The following IFTAP variants were observed in gnomAD, a reference collection of about 807,000 sequenced individuals.
The protein encoded by IFTAP is intraflagellar transport-associated protein.
IFTAP carries 19 observed loss-of-function variants against 19.4 expected under a neutral mutation model. That is an observed-to-expected ratio of 0.98 (90% CI 0.68 to 1.44). The LOEUF is 1.44. Among genes scored for constraint, IFTAP ranks in the 40% most tolerant of loss-of-function variants. The pLI is 0.00. For missense variants in IFTAP, 240 were observed against 253.6 expected (o/e 0.95, Z 0.36); for synonymous variants, 85 against 83.5 (o/e 1.02, Z -0.10).
intron 5 of IFTAP, among the ~76,000 whole-genome samples, chr11:36,651,325 C>T (rs1466308851): frequency 1.3e-5 from 2 of 152,206 alleles, no homozygotes; most frequent in East Asian, 3.8e-4. Flanking sequence ...AGCAGTTTTT[C>T]ATGTGTCTGT....
rs1852806593 is a variant in IFTAP at position 36,633,445 on chromosome 11, C to T, written c.291+7C>T. ...ACAATGTTTGGAAGAACAGGTAATA[C>T]CAACATAGTACATGTATAGAAACAA... is the stretch of plus-strand genomic sequence containing the variant. On this transcript the variant is annotated splice_region_variant and intron_variant, in intron 3 of 5. Coordinates refer to ENST00000334307, the MANE Select transcript of IFTAP (RefSeq NM_138787.4). 1 of 1,567,466 alleles carries T rather than the reference C, an allele frequency of 6.4e-7. No homozygotes were observed. The highest frequency in any genetic ancestry group is 8.6e-7 in the Non-Finnish European group (1 of 1,159,224).
chr11:36,628,451 C>CT (rs1394672318), intron 2 of IFTAP, among the ~76,000 whole-genome samples: 1 of 151,212 alleles, frequency 6.6e-6, no homozygotes, highest in Non-Finnish European at 1.5e-5. Flanking sequence ...TTTTACCATT[C>CT]TTTGTGTTTC....
At chr11:36,621,919 G>A (rs193268216) in intron 2 of IFTAP, among the ~76,000 whole-genome samples, 9 of 151,956 alleles carry the variant, frequency 5.9e-5, no homozygotes, top group Non-Finnish European at 1.3e-4. Flanking sequence ...TTAACTATTT[G>A]CATAGTATTG....
rs1475772786 is a variant in IFTAP at position 36,614,121 on chromosome 11, A to G, written c.136+3882A>G. On this transcript the variant is annotated intron_variant, in intron 2 of 5. Transcript: ENST00000334307. Reference sequence around the variant, plus strand: ...GTGTGATATTCCCCTTCCTGTGTCCATGTGATCTCATTGTTCAATTCCCAC... The same window carrying G: ...GTGTGATATTCCCCTTCCTGTGTCCGTGTGATCTCATTGTTCAATTCCCAC... Among the ~76,000 whole-genome samples, 4 of 135,560 alleles carry G rather than the reference A, an allele frequency of 3.0e-5. 1 individual carries two copies. The East Asian group carries it at 9.2e-4, about 31-fold the overall frequency. The allele number at this position is 135,560 out of a possible 152,430, so 88.9% of individuals were successfully genotyped here.
chr11:36,626,842 T>C (rs1294418468), intron 2 of IFTAP, among the ~76,000 whole-genome samples: 1 of 151,146 alleles, frequency 6.6e-6, no homozygotes, highest in East Asian at 1.9e-4. Flanking sequence ...CCTGTGGTTT[T>C]ATTTCATCAT....
At chr11:36,650,815 T>C (rs1397056891) in intron 5 of IFTAP, among the ~76,000 whole-genome samples, 1 of 152,112 alleles carries the variant, frequency 6.6e-6, no homozygotes, top group Non-Finnish European at 1.5e-5. Flanking sequence ...GTTTGGTTTT[T>C]TGTCCTTGCG....
intron 1 of IFTAP, among the ~76,000 whole-genome samples, chr11:36,600,919 C>T (rs1390588713): frequency 6.6e-6 from 1 of 152,160 alleles, no homozygotes; most frequent in African/African-American, 2.4e-5. Context: ...TTTATTTTTA[C>T]ACTCAAACTA....
At chr11:36,647,337 C>G (rs927642844) in intron 4 of IFTAP, among the ~76,000 whole-genome samples, 1 of 152,062 alleles carries the variant, frequency 6.6e-6, no homozygotes, top group African/African-American at 2.4e-5. Flanking sequence ...CATCAGTTGT[C>G]TGTGATGCAT....
chr11:36,618,966 C>T (rs1308324293), intron 2 of IFTAP, among the ~76,000 whole-genome samples: 1 of 151,868 alleles, frequency 6.6e-6, no homozygotes, highest in Non-Finnish European at 1.5e-5. Context: ...GAAGGAATGA[C>T]TGACAGCACT....
chr11:36,627,002 A>G (rs1036659763), intron 2 of IFTAP, among the ~76,000 whole-genome samples: 1 of 151,316 alleles, frequency 6.6e-6, no homozygotes, highest in Non-Finnish European at 1.5e-5. Flanking sequence ...ACAACGGACT[A>G]TTATTTGACA....
intron 4 of IFTAP, among the ~76,000 whole-genome samples, chr11:36,642,107 T>TAATAA (rs1853234217): frequency 6.6e-6 from 1 of 152,180 alleles, no homozygotes; most frequent in Admixed American, 6.5e-5. Context: ...GATAGACCGC[T>TAATAA]AGCAAGACTA....
chr11:36,607,612 T>C (rs941483174), intron 1 of IFTAP, among the ~76,000 whole-genome samples: 1 of 152,042 alleles, frequency 6.6e-6, no homozygotes, highest in Non-Finnish European at 1.5e-5. Flanking sequence ...TTTCCTGAGC[T>C]TTTTGGTATT....
At chr11:36,614,930 C>A (rs1852018760) in intron 2 of IFTAP, among the ~76,000 whole-genome samples, 1 of 145,828 alleles carries the variant, frequency 6.9e-6, no homozygotes, top group Non-Finnish European at 1.5e-5. Flanking sequence ...TTAATTAGAT[C>A]CCATTTGTCA....
intron 1 of IFTAP, among the ~76,000 whole-genome samples, chr11:36,606,123 A>G (rs1177203148): frequency 6.6e-6 from 1 of 152,266 alleles, no homozygotes; most frequent in Admixed American, 6.5e-5. Context: ...AAACTCTTCA[A>G]TAATGACAGT....
intron 4 of IFTAP, among the ~76,000 whole-genome samples, chr11:36,645,320 G>A (rs528009571): frequency 6.6e-6 from 1 of 152,220 alleles, no homozygotes; most frequent in East Asian, 1.9e-4. Flanking sequence ...TTCTAAACAC[G>A]TGGTTGAGAA....
rs143520738 is a variant in IFTAP at position 36,655,782 on chromosome 11, T to G, written c.499-3237T>G. ...GCTGCTGTTGATAACCCTTAATTTCTTAGTGAAGAAATTTATATTTTTAAT... is the reference window on the plus strand; with the variant it reads ...GCTGCTGTTGATAACCCTTAATTTCGTAGTGAAGAAATTTATATTTTTAAT... On this transcript the variant is annotated intron_variant, in intron 5 of 5. Coordinates refer to ENST00000334307, the MANE Select transcript of IFTAP (RefSeq NM_138787.4). Among the ~76,000 whole-genome samples the G allele has an allele frequency of 2.0e-3, 302 of 152,298 alleles. 1 individual carries two copies. Among genetic ancestry groups the G allele is most frequent in the African/African-American group, 6.7e-3 (277 of 41,582 alleles).
chr11:36,658,708 C>A (rs1854096134), intron 5 of IFTAP, among the ~76,000 whole-genome samples: 2 of 152,028 alleles, frequency 1.3e-5, no homozygotes, highest in Non-Finnish European at 2.9e-5. Context: ...CTTCTGTAGT[C>A]CTGACACTAC....
chr11:36,607,880 T>C (rs1851749804), intron 1 of IFTAP, among the ~76,000 whole-genome samples: 2 of 152,102 alleles, frequency 1.3e-5, no homozygotes, highest in African/African-American at 2.4e-5. Flanking sequence ...TCCATGTTGT[T>C]CAGGCTGGTC....
At chr11:36,635,256 C>T (rs1267744203) in intron 3 of IFTAP, among the ~76,000 whole-genome samples, 1 of 152,104 alleles carries the variant, frequency 6.6e-6, no homozygotes, top group Non-Finnish European at 1.5e-5. Context: ...CAACCTTATT[C>T]CTTTACTAGG....
Sources: allele counts gnomAD v4.1 joint callset (sites outside exome capture counted in the v4.1 genomes callset), GRCh38; gene constraint gnomAD v4.1.1; transcripts MANE v1.5; gene names NCBI Gene and HGNC (gene_info 2026-07-23, HGNC 2026-07-21).